The following LARGE1 variants were observed in gnomAD, a reference collection of about 807,000 sequenced individuals.
LARGE1 encodes xylosyl- and glucuronyltransferase LARGE1.
In LARGE1, 43 loss-of-function variants were observed where a neutral mutation model predicts 87.6. The observed-to-expected ratio is 0.49, with a 90% confidence interval of 0.38 to 0.63. The LOEUF (loss-of-function observed/expected upper bound fraction) is 0.63. LARGE1 is among the 30% of genes least tolerant of loss of function. The probability of loss-of-function intolerance (pLI) is 0.00; values close to 1 mark genes in which losing one functional copy is unlikely to be tolerated. For missense variants in LARGE1, 802 were observed against 1,000.2 expected, an observed-to-expected ratio of 0.80 and a Z score of 2.67; for synonymous variants, 434 against 394.6, an observed-to-expected ratio of 1.10 and a Z score of -1.18.
chr22:33,456,309 C>A (rs1420545778), intron 6 of LARGE1, among the ~76,000 whole-genome samples: 2 of 152,226 alleles, frequency 1.3e-5, no homozygotes, highest in Non-Finnish European at 2.9e-5. Flanking sequence ...CCCATCTATA[C>A]CGAGAATCTT....
chr22:33,151,792 G>A, the LARGE1 span, among the ~76,000 whole-genome samples: 1 of 152,004 alleles, frequency 6.6e-6, no homozygotes, highest in African/African-American at 2.4e-5. Flanking sequence ...CTTGGTTGTG[G>A]TATATTATTC....
intron 1 of LARGE1, among the ~76,000 whole-genome samples, chr22:33,829,916 A>G (rs1300200953): frequency 6.6e-6 from 1 of 152,152 alleles, no homozygotes; most frequent in Admixed American, 6.5e-5. Flanking sequence ...CATTCCCTAC[A>G]AGGGTGAAGG....
At chr22:33,310,390 C>CT (rs1276760781) in intron 11 of LARGE1, among the ~76,000 whole-genome samples, 2 of 152,152 alleles carry the variant, frequency 1.3e-5, no homozygotes, top group Non-Finnish European at 2.9e-5. Context: ...AGGTGAACCC[C>CT]TCGTGATCAG....
intron 1 of LARGE1, among the ~76,000 whole-genome samples, chr22:33,867,970 CAAGAG>C (rs2064157099): frequency 6.6e-6 from 1 of 152,132 alleles, no homozygotes; most frequent in African/African-American, 2.4e-5. Flanking sequence ...CCTCCTCATT[CAAGAG>C]GAGAGGGCCA....
chr22:33,124,933 G>A, the LARGE1 span, among the ~76,000 whole-genome samples: 829 of 152,316 alleles, frequency 5.4e-3, 9 homozygotes, highest in African/African-American at 0.018. Context: ...TCCTTGTGGA[G>A]CAAAGCTATC....
chr22:33,743,433 C>T (rs969906613), intron 2 of LARGE1, among the ~76,000 whole-genome samples: 4 of 152,128 alleles, frequency 2.6e-5, no homozygotes, highest in African/African-American at 9.7e-5. Flanking sequence ...GGAGTCATCA[C>T]TGACTCTTTC....
chr22:33,625,667 G>A (rs577957695), intron 4 of LARGE1, among the ~76,000 whole-genome samples: 6 of 152,326 alleles, frequency 3.9e-5, no homozygotes, highest in South Asian at 4.1e-4. Context: ...TTTTGAGGCC[G>A]CTCTCTTGAC....
intron 11 of LARGE1, among the ~76,000 whole-genome samples, chr22:33,186,407 T>C (rs933062525): frequency 4.6e-5 from 7 of 152,178 alleles, no homozygotes; most frequent in African/African-American, 1.7e-4. Context: ...ATCAATTATG[T>C]TGATTAATGT....
downstream of LARGE1, among the ~76,000 whole-genome samples, chr22:33,161,623 G>T (rs1922027247): frequency 6.6e-6 from 1 of 152,160 alleles, no homozygotes; most frequent in African/African-American, 2.4e-5. Flanking sequence ...AATCCAATAG[G>T]GCAGTCATGA....
chr22:33,684,187 G>A (rs1207341581), intron 2 of LARGE1, among the ~76,000 whole-genome samples: 1 of 152,176 alleles, frequency 6.6e-6, no homozygotes, highest in Non-Finnish European at 1.5e-5. Flanking sequence ...AATGTGGAAT[G>A]TGTTTGGGGA....
chr22:33,356,122 T>C (rs1940871003), intron 9 of LARGE1, among the ~76,000 whole-genome samples: 1 of 152,190 alleles, frequency 6.6e-6, no homozygotes, highest in Admixed American at 6.5e-5. Flanking sequence ...TGTCATAGGG[T>C]AAAATTTCCA....
chr22:33,807,366 T>TA (rs911623236), intron 1 of LARGE1, among the ~76,000 whole-genome samples: 3 of 152,206 alleles, frequency 2.0e-5, no homozygotes, highest in Non-Finnish European at 2.9e-5. Context: ...TTTAGTTTTT[T>TA]AAAAATAGAC....
At chr22:33,741,224 T>C (rs1388385356) in intron 2 of LARGE1, among the ~76,000 whole-genome samples, 1 of 152,196 alleles carries the variant, frequency 6.6e-6, no homozygotes, top group Non-Finnish European at 1.5e-5. Context: ...AGCATTTAAT[T>C]AGATTACAGT....
chr22:33,777,292 T>C (rs370120834), intron 1 of LARGE1, among the ~76,000 whole-genome samples: 163 of 152,050 alleles, frequency 1.1e-3, no homozygotes, highest in African/African-American at 3.8e-3. Context: ...CCTTCCACAG[T>C]CCCTAGGGAG....
intron 6 of LARGE1, among the ~76,000 whole-genome samples, chr22:33,491,104 C>A (rs1316181289): frequency 2.0e-5 from 3 of 152,144 alleles, no homozygotes; most frequent in Non-Finnish European, 2.9e-5. Context: ...ATTAGGACAA[C>A]ACAAAGCTGC....
At chr22:33,188,635 C>A (rs1923613446) in intron 11 of LARGE1, among the ~76,000 whole-genome samples, 1 of 152,196 alleles carries the variant, frequency 6.6e-6, no homozygotes, top group South Asian at 2.1e-4. Flanking sequence ...CATCTGGACT[C>A]TAAATACAAG....
At chr22:33,125,809 G>C in the LARGE1 span, among the ~76,000 whole-genome samples, 1 of 152,070 alleles carries the variant, frequency 6.6e-6, no homozygotes, top group East Asian at 1.9e-4. Context: ...GTGCAGTGGT[G>C]CAATCTTGAC....
chr22:33,745,514 T>A (rs1002307204), intron 2 of LARGE1, among the ~76,000 whole-genome samples: 4 of 152,132 alleles, frequency 2.6e-5, no homozygotes, highest in Admixed American at 6.5e-5. Context: ...TATGTTCATG[T>A]CTGCACTGGG....
At chr22:33,828,806 C>A (rs1381636926) in intron 1 of LARGE1, among the ~76,000 whole-genome samples, 1 of 152,086 alleles carries the variant, frequency 6.6e-6, no homozygotes, top group Non-Finnish European at 1.5e-5. Flanking sequence ...GAAAAAAGTT[C>A]TTTGTGCATA....
Sources: gnomAD v4.1 joint callset for allele counts (sites outside exome capture counted in the v4.1 genomes callset) on GRCh38, gnomAD v4.1.1 for gene constraint, MANE v1.5 for transcripts, NCBI Gene and HGNC (gene_info 2026-07-23, HGNC 2026-07-21) for gene names.